Variants in ST8SIA1 observed in about 807,000 individuals in gnomAD.
ST8SIA1 encodes the protein alpha-N-acetylneuraminide alpha-2,8-sialyltransferase.
A neutral mutation model predicts 35.9 loss-of-function variants in ST8SIA1; 16 were observed. The observed-to-expected ratio is 0.45, with a 90% CI of 0.30 to 0.68. The LOEUF is 0.68. Ranked by LOEUF, ST8SIA1 falls within the 30% of genes least tolerant of loss-of-function variation. ST8SIA1 has a pLI of 0.09. For missense variants in ST8SIA1, 383 were observed against 453.6 expected (o/e 0.84, Z 1.41); for synonymous variants, 170 against 169.6 (o/e 1.00, Z -0.02).
intron 2 of ST8SIA1, among the ~76,000 whole-genome samples, chr12:22,257,747 C>G (rs1214831334): frequency 6.6e-6 from 1 of 151,984 alleles, no homozygotes; most frequent in East Asian, 1.9e-4. Context: ...GGAAGGATAT[C>G]AGAGAGTAGA....
chr12:22,323,284 A>G (rs1161588983), intron 1 of ST8SIA1, among the ~76,000 whole-genome samples: 4 of 152,214 alleles, frequency 2.6e-5, no homozygotes, highest in Admixed American at 1.3e-4. Flanking sequence ...TAGTATATCT[A>G]TTTATGCAAT....
chr12:22,287,603 T>C (rs1866117485), intron 1 of ST8SIA1, among the ~76,000 whole-genome samples: 1 of 152,164 alleles, frequency 6.6e-6, no homozygotes, highest in Non-Finnish European at 1.5e-5. Context: ...GATGTACTGA[T>C]TGATTTAAAC....
intron 4 of ST8SIA1, among the ~76,000 whole-genome samples, chr12:22,245,068 T>C (rs928078402): frequency 1.3e-5 from 2 of 152,354 alleles, no homozygotes; most frequent in Middle Eastern, 3.4e-3. Flanking sequence ...TAACATCTTA[T>C]AGAGCAACTC....
In ST8SIA1 at chr12:22,296,826, T is replaced by A. The variant is rs142724385; in HGVS notation, c.237-9533A>T. Among the ~76,000 whole-genome samples, 203 of 152,268 alleles carry A rather than the reference T, an allele frequency of 1.3e-3. 1 individual carries two copies. The highest frequency in any genetic ancestry group is 4.7e-3 in the African/African-American group (196 of 41,552). On this transcript the variant is annotated intron_variant, in intron 1 of 4. Coordinates refer to ENST00000396037, the MANE Select transcript of ST8SIA1 (RefSeq NM_003034.4). ...TCAGAGAGAGGCAGTAGTTGGGCAG[T>A]CATCGTAAGAACAGCTGAAAATACG...
intron 2 of ST8SIA1, among the ~76,000 whole-genome samples, chr12:22,280,175 T>C: frequency 6.6e-6 from 1 of 152,190 alleles, no homozygotes; most frequent in Non-Finnish European, 1.5e-5. Flanking sequence ...CAAATGAGCA[T>C]ATTAATAGAA....
chr12:22,273,656 C>G (rs1865937955), intron 2 of ST8SIA1, among the ~76,000 whole-genome samples: 1 of 152,136 alleles, frequency 6.6e-6, no homozygotes. Context: ...TTAATGAACT[C>G]CAAGTCTCTT....
At chr12:22,300,312 C>T (rs1162689188) in intron 1 of ST8SIA1, among the ~76,000 whole-genome samples, 1 of 152,138 alleles carries the variant, frequency 6.6e-6, no homozygotes, top group Non-Finnish European at 1.5e-5. Flanking sequence ...TTCAACTCCT[C>T]AAGGTCCAGG....
chr12:22,206,118 A>G (rs966073164), intron 4 of ST8SIA1, among the ~76,000 whole-genome samples: 1 of 152,246 alleles, frequency 6.6e-6, no homozygotes, highest in African/African-American at 2.4e-5. Flanking sequence ...AACACAATAA[A>G]GGGTGAATAA....
chr12:22,290,672 A>G (rs1866163324), intron 1 of ST8SIA1, among the ~76,000 whole-genome samples: 1 of 152,142 alleles, frequency 6.6e-6, no homozygotes, highest in Non-Finnish European at 1.5e-5. Context: ...GGGTTTCCTG[A>G]TCTGAGATTT....
At chr12:22,282,964 G>A (rs187201543) in intron 2 of ST8SIA1, among the ~76,000 whole-genome samples, 40 of 152,242 alleles carry the variant, frequency 2.6e-4, no homozygotes, top group African/African-American at 9.6e-4. Flanking sequence ...GGAGCTCAGA[G>A]AATTCTATTA....
At chr12:22,306,591 G>T (rs1372720758) in intron 1 of ST8SIA1, among the ~76,000 whole-genome samples, 1 of 152,060 alleles carries the variant, frequency 6.6e-6, no homozygotes, top group Non-Finnish European at 1.5e-5. Context: ...ATCATTCTTA[G>T]AAGTAACCAT....
intron 1 of ST8SIA1, among the ~76,000 whole-genome samples, chr12:22,318,623 G>A (rs1008068002): frequency 6.6e-6 from 1 of 152,088 alleles, no homozygotes; most frequent in Non-Finnish European, 1.5e-5. Flanking sequence ...CAGGCAGAGA[G>A]AGGAAAAAAA....
intron 4 of ST8SIA1, among the ~76,000 whole-genome samples, chr12:22,230,812 C>T (rs1003797841): frequency 2.3e-4 from 35 of 152,032 alleles, no homozygotes; most frequent in Non-Finnish European, 3.8e-4. Flanking sequence ...CAAGGAACAC[C>T]ACATCACTGG....
intron 1 of ST8SIA1, among the ~76,000 whole-genome samples, chr12:22,307,827 A>G (rs1408001978): frequency 6.6e-6 from 1 of 152,166 alleles, no homozygotes; most frequent in Non-Finnish European, 1.5e-5. Flanking sequence ...GTCTTTCAAG[A>G]GGGATCAGAA....
At chr12:22,296,070 T>G (rs1371258932) in intron 1 of ST8SIA1, among the ~76,000 whole-genome samples, 2 of 152,174 alleles carry the variant, frequency 1.3e-5, no homozygotes, top group African/African-American at 4.8e-5. Context: ...GGGCATAATC[T>G]GCTGTCCTTC....
At chr12:22,317,881 T>C (rs1373586705) in intron 1 of ST8SIA1, among the ~76,000 whole-genome samples, 1 of 152,218 alleles carries the variant, frequency 6.6e-6, no homozygotes, top group Non-Finnish European at 1.5e-5. Flanking sequence ...TGAGTGTATC[T>C]AGATATTTCT....
intron 2 of ST8SIA1, among the ~76,000 whole-genome samples, chr12:22,274,703 G>A (rs1016971823): frequency 2.0e-5 from 3 of 152,170 alleles, no homozygotes; most frequent in Admixed American, 1.3e-4. Context: ...GCTCTATCGT[G>A]AGCATCCAGG....
rs190611525 is a variant in ST8SIA1 at position 22,306,813 on chromosome 12, C to T, written c.237-19520G>A. On this transcript the variant is annotated intron_variant, in intron 1 of 4. Transcript: ENST00000396037. Reference sequence around the variant, plus strand: ...CTGCCCTCTCTTTTATATTTCTCTCCCTGGAACTCCTATTATCCATACTTC... The same window carrying T: ...CTGCCCTCTCTTTTATATTTCTCTCTCTGGAACTCCTATTATCCATACTTC... Among the ~76,000 whole-genome samples, 1,167 of 152,152 alleles carry T rather than the reference C, an allele frequency of 7.7e-3. 18 individuals carry two copies. The highest frequency in any genetic ancestry group is 0.054 in the Middle Eastern group (16 of 294).
At chr12:22,325,742 A>T in intron 1 of ST8SIA1, 1 of 636,052 alleles carries the variant, frequency 1.6e-6, no homozygotes, top group Non-Finnish European at 2.8e-6. Context: ...AATTAGGCAC[A>T]GTAAGAGATG....
Sources: allele counts gnomAD v4.1 joint callset (sites outside exome capture counted in the v4.1 genomes callset), GRCh38; gene constraint gnomAD v4.1.1; transcripts MANE v1.5; gene names NCBI Gene and HGNC (gene_info 2026-07-23, HGNC 2026-07-21).